The following RTN1 variants were observed in gnomAD, a reference collection of about 807,000 sequenced individuals.
RTN1 encodes the protein reticulon-1.
A neutral mutation model predicts 65.5 loss-of-function variants in RTN1; 25 were observed. The ratio of observed to expected loss-of-function variants is 0.38; its 90% CI spans 0.28 to 0.53. RTN1 has a LOEUF of 0.53. Ranked by LOEUF, RTN1 falls within the 20% of genes least tolerant of loss-of-function variation. The pLI is 0.79. For missense variants in RTN1, 983 were observed against 1,025.4 expected, an observed-to-expected ratio of 0.96 and a Z score of 0.57; for synonymous variants, 471 against 447.6, an observed-to-expected ratio of 1.05 and a Z score of -0.66.
chr14:59,778,855 G>T (rs571530063), intron 1 of RTN1, among the ~76,000 whole-genome samples: 1 of 152,160 alleles, frequency 6.6e-6, no homozygotes, highest in African/African-American at 2.4e-5. Context: ...AGGAACACAG[G>T]TTATGAGGCT....
intron 3 of RTN1, among the ~76,000 whole-genome samples, chr14:59,641,036 C>G (rs927334711): frequency 3.3e-5 from 5 of 152,210 alleles, no homozygotes; most frequent in Non-Finnish European, 7.3e-5. Context: ...TCATGGCTCA[C>G]TGCAGCCTTG....
chr14:59,639,650 G>C (rs1295138230), intron 3 of RTN1, among the ~76,000 whole-genome samples: 1 of 152,278 alleles, frequency 6.6e-6, no homozygotes, highest in South Asian at 2.1e-4. Context: ...TTACTATGAA[G>C]TATGATGTTG....
At chr14:59,796,853 G>C (rs1186937298) in intron 1 of RTN1, among the ~76,000 whole-genome samples, 2 of 152,128 alleles carry the variant, frequency 1.3e-5, no homozygotes, top group South Asian at 2.1e-4. Flanking sequence ...CAACTAGATT[G>C]TGGGCCCCTG....
At chr14:59,750,236 A>G (rs1440660350) in intron 1 of RTN1, among the ~76,000 whole-genome samples, 2 of 75,658 alleles carry the variant, frequency 2.6e-5, no homozygotes, top group Non-Finnish European at 4.5e-5. Flanking sequence ...TATAATATAT[A>G]TATTATATCT....
At chr14:59,755,622 A>T (rs1418338754) in intron 1 of RTN1, among the ~76,000 whole-genome samples, 1 of 152,152 alleles carries the variant, frequency 6.6e-6, no homozygotes, top group Non-Finnish European at 1.5e-5. Flanking sequence ...GGAGGCTGTG[A>T]CACATTTGAC....
At chr14:59,630,706 G>A (rs1321469786) in intron 3 of RTN1, 14 of 1,143,188 alleles carry the variant, frequency 1.2e-5, no homozygotes, top group Non-Finnish European at 1.4e-5. Context: ...AATCAGCGCG[G>A]CGCGGCCCCG....
chr14:59,738,892 T>C (rs1885057598), intron 2 of RTN1, among the ~76,000 whole-genome samples: 3 of 152,070 alleles, frequency 2.0e-5, no homozygotes, highest in Non-Finnish European at 1.5e-5. Flanking sequence ...AGCAAACTAA[T>C]GCAGGAACAG....
At chr14:59,777,629 G>A (rs1009895632) in intron 1 of RTN1, among the ~76,000 whole-genome samples, 4 of 151,984 alleles carry the variant, frequency 2.6e-5, no homozygotes, top group African/African-American at 9.7e-5. Flanking sequence ...CAGCCCCTTT[G>A]CCCCTTTTTT....
intron 3 of RTN1, among the ~76,000 whole-genome samples, chr14:59,628,707 G>A (rs868425076): frequency 5.9e-5 from 9 of 152,250 alleles, no homozygotes; most frequent in East Asian, 3.9e-4. Flanking sequence ...CTTCAATGGC[G>A]AAACTATGAC....
chr14:59,686,051 C>A (rs771680548), intron 3 of RTN1, among the ~76,000 whole-genome samples: 1 of 152,096 alleles, frequency 6.6e-6, no homozygotes, highest in Non-Finnish European at 1.5e-5. Context: ...GACAAAGGTG[C>A]CAGAAACACA....
intron 1 of RTN1, among the ~76,000 whole-genome samples, chr14:59,815,762 C>T (rs1043717542): frequency 6.6e-6 from 1 of 152,170 alleles, no homozygotes; most frequent in Non-Finnish European, 1.5e-5. Flanking sequence ...CAACTCGGAT[C>T]CTATGGTCTG....
At chr14:59,704,283 T>C (rs1884242275) in intron 3 of RTN1, among the ~76,000 whole-genome samples, 2 of 152,246 alleles carry the variant, frequency 1.3e-5, no homozygotes, top group South Asian at 2.1e-4. Context: ...CCGCCACGAA[T>C]AGTCAAATCT....
At chr14:59,840,652 T>C (rs1887294220) in intron 1 of RTN1, among the ~76,000 whole-genome samples, 1 of 152,216 alleles carries the variant, frequency 6.6e-6, no homozygotes, top group African/African-American at 2.4e-5. Context: ...AACTAAAATA[T>C]TCTCCCATCT....
intron 1 of RTN1, among the ~76,000 whole-genome samples, chr14:59,826,831 G>T (rs1887039548): frequency 6.6e-6 from 1 of 152,118 alleles, no homozygotes; most frequent in Non-Finnish European, 1.5e-5. Context: ...ACATTCTAGT[G>T]TAGGGAAGAC....
rs528062787 is a variant in RTN1, at chr14:59,804,209, C to T, written c.242-57728G>A. On this transcript the variant is annotated intron_variant, in intron 1 of 8. Coordinates refer to ENST00000267484, the MANE Select transcript of RTN1 (RefSeq NM_021136.3). ...CTGTCCTTGTTTTTTATAAGCTTAA[C>T]AGTTTTGAGAAGTACTGGTCAGGTA... is the stretch of plus-strand genomic sequence containing the variant. Among the ~76,000 whole-genome samples, 41 of 152,248 alleles carry T rather than the reference C, an allele frequency of 2.7e-4. No homozygotes were observed. The South Asian group carries it at 7.9e-3, about 29-fold the overall frequency.
chr14:59,850,452 G>A (rs1167840379), intron 1 of RTN1, among the ~76,000 whole-genome samples: 1 of 152,198 alleles, frequency 6.6e-6, no homozygotes, highest in Admixed American at 6.5e-5. Context: ...GGTACACAAA[G>A]TACAGGTTCT....
At chr14:59,746,828 T>C (rs1194204125) in intron 1 of RTN1, among the ~76,000 whole-genome samples, 1 of 152,184 alleles carries the variant, frequency 6.6e-6, no homozygotes. Flanking sequence ...GAAACCCTCT[T>C]TGTATCTAAA....
intron 3 of RTN1, among the ~76,000 whole-genome samples, chr14:59,668,259 T>C (rs1357159313): frequency 6.6e-6 from 1 of 152,098 alleles, no homozygotes; most frequent in South Asian, 2.1e-4. Flanking sequence ...AACAGATTTA[T>C]AGACCAATGG....
intron 3 of RTN1, among the ~76,000 whole-genome samples, chr14:59,706,253 C>T (rs1183679639): frequency 2.0e-5 from 3 of 152,186 alleles, no homozygotes; most frequent in Non-Finnish European, 4.4e-5. Context: ...CCAGAAGAAC[C>T]GTGTCCCAGG....
Sources: allele counts gnomAD v4.1 joint callset (sites outside exome capture counted in the v4.1 genomes callset), GRCh38; gene constraint gnomAD v4.1.1; transcripts MANE v1.5; gene names NCBI Gene and HGNC (gene_info 2026-07-23, HGNC 2026-07-21).